The following CCSER1 variants were observed in gnomAD, a reference collection of about 807,000 sequenced individuals.
The protein encoded by CCSER1 is coiled-coil serine rich protein 1.
CCSER1 carries 41 observed loss-of-function variants against 82.0 expected under a neutral mutation model. The observed-to-expected ratio is 0.50, with a 90% CI of 0.39 to 0.65. The LOEUF (loss-of-function observed/expected upper bound fraction) is 0.65, where lower values mean the gene tolerates loss of function less well. Ranked by LOEUF, CCSER1 falls within the 30% of genes least tolerant of loss-of-function variation. The pLI, the probability that CCSER1 is intolerant of heterozygous loss-of-function variation, is 0.00. For missense variants in CCSER1, 1,119 were observed against 1,064.2 expected (o/e 1.05, Z -0.72); for synonymous variants, 414 against 383.9 (o/e 1.08, Z -0.92).
intron 4 of CCSER1, among the ~76,000 whole-genome samples, chr4:90,425,759 G>A (rs1757434378): frequency 6.6e-6 from 1 of 152,090 alleles, no homozygotes; most frequent in Admixed American, 6.6e-5. Flanking sequence ...ATCTGATTTT[G>A]TTGGCAGAGC....
At chr4:90,499,623 A>C (rs1030527403) in intron 5 of CCSER1, among the ~76,000 whole-genome samples, 11 of 152,142 alleles carry the variant, frequency 7.2e-5, no homozygotes, top group Admixed American at 5.2e-4. Flanking sequence ...TGTCTTCATA[A>C]CCAGTTATGA....
chr4:90,957,652 TTATA>T lies in CCSER1; in HGVS notation c.2172+34212_2172+34215del, dbSNP rs541511010. On this transcript the variant is annotated intron_variant, in intron 9 of 10. Transcript: ENST00000509176. The stretch of plus-strand genomic sequence containing the variant: ...ATTCTATATAATATATAATATATAA[TTATA>T]TATATAACTATATAATTTCATGGTA... Among the ~76,000 whole-genome samples, 22 of 133,516 alleles carry T rather than the reference TTATA, an allele frequency of 1.6e-4. 1 individual carries two copies. In the South Asian group the frequency reaches 2.0e-3, roughly 12 times the overall value. The allele number at this position is 133,516 out of a possible 152,430, so 87.6% of individuals were successfully genotyped here.
Position 91,151,336 on chromosome 4 carries a change from T to G in CCSER1, c.2217+65342T>G, listed in dbSNP as rs181490702. Among the ~76,000 whole-genome samples the G allele has an allele frequency of 1.4e-3, 214 of 152,290 alleles. 3 individuals carry two copies. Among genetic ancestry groups the G allele is most frequent in the Admixed American group, 0.011 (169 of 15,298 alleles). Reference sequence around the variant, plus strand: ...TGATATCCACTCTATCATTTTTTATTGCATCTATTTTGTTCTTCTCTTTTT... The same window carrying G: ...TGATATCCACTCTATCATTTTTTATGGCATCTATTTTGTTCTTCTCTTTTT... On this transcript the variant is annotated intron_variant, in intron 10 of 10. Transcript: ENST00000509176.
chr4:91,086,076 G>A (rs1193078783), intron 10 of CCSER1, 82 bp downstream of exon 10: 23 of 820,778 alleles, frequency 2.8e-5, no homozygotes, highest in Middle Eastern at 4.5e-4. Context: ...GGTGATTGAC[G>A]ATAATTACGT....
chr4:90,618,368 A>G (rs1721685826), intron 5 of CCSER1, among the ~76,000 whole-genome samples: 1 of 151,994 alleles, frequency 6.6e-6, no homozygotes, highest in Non-Finnish European at 1.5e-5. Context: ...TAGCTCTTAG[A>G]TTGCCACATC....
intron 9 of CCSER1, among the ~76,000 whole-genome samples, chr4:90,940,494 ATATT>A (rs146376538): frequency 0.056 from 8,559 of 152,176 alleles, 320 homozygotes; most frequent in Non-Finnish European, 0.078. Context: ...TGTTTTATAA[ATATT>A]TATTTGATTA....
intron 9 of CCSER1, among the ~76,000 whole-genome samples, chr4:90,958,238 G>A (rs979595219): frequency 2.0e-5 from 3 of 152,072 alleles, no homozygotes; most frequent in Non-Finnish European, 4.4e-5. Flanking sequence ...AATGTAACTA[G>A]GTCGTGAAAC....
Position 90,309,288 on chromosome 4 carries a change from A to C in CCSER1, c.1004A>C (p.Asn335Thr). The change falls in exon 2 of 11, where the codon AAT becomes ACT. Residue 335 changes from asparagine to threonine, a missense_variant. Coordinates refer to ENST00000509176, the MANE Select transcript of CCSER1 (RefSeq NM_001145065.2). Reference sequence around the variant, plus strand: ...GAGGGTCAATGTAGCACTGAATCTAATTCATTACCGGAAACCTCTGCTGCT... The same window carrying C: ...GAGGGTCAATGTAGCACTGAATCTACTTCATTACCGGAAACCTCTGCTGCT... ...RLEGQCSTES[N>T]SLPETSAANQ... is the part of the protein sequence containing the mutation. The C allele has an allele frequency of 6.2e-7, 1 of 1,613,810 alleles. No individual in the cohort carries two copies. Among genetic ancestry groups the C allele is most frequent in the Non-Finnish European group, 8.5e-7 (1 of 1,179,794 alleles).
rs188373121 is a variant in CCSER1, at chr4:90,134,732, A to G, written c.-42+6901A>G. Among the ~76,000 whole-genome samples the G allele has an allele frequency of 4.8e-4, 73 of 152,332 alleles. No individual in the cohort carries two copies. In the East Asian group the frequency reaches 0.013, roughly 28 times the overall value. ...AGCTTTCCTTCCATGAAAAGGAAATATGTTCACTGCTGCTATCAGATTTAA... is the reference window on the plus strand; with the variant it reads ...AGCTTTCCTTCCATGAAAAGGAAATGTGTTCACTGCTGCTATCAGATTTAA... On this transcript the variant is annotated intron_variant, in intron 1 of 10. Transcript: ENST00000509176.
rs990448935 is a variant in CCSER1, at chr4:90,302,909, C to T, written c.-41-5335C>T. Among the ~76,000 whole-genome samples the T allele has an allele frequency of 1.8e-4, 27 of 152,144 alleles. 2 individuals carry two copies. Among genetic ancestry groups the T allele is most frequent in the Admixed American group, 6.5e-5 (1 of 15,268 alleles). On this transcript the variant is annotated intron_variant, in intron 1 of 10. Transcript: ENST00000509176. ...AGTGAAAGCGGAGCATGAAGTGTGACGAGAGGACTAATGAATCTGGAGATG... is the reference window on the plus strand; with the variant it reads ...AGTGAAAGCGGAGCATGAAGTGTGATGAGAGGACTAATGAATCTGGAGATG...
intron 1 of CCSER1, among the ~76,000 whole-genome samples, chr4:90,130,411 A>G (rs971357431): frequency 3.9e-5 from 6 of 152,206 alleles, no homozygotes; most frequent in African/African-American, 1.4e-4. Context: ...GGTGGGTAAG[A>G]CTTGCTTGAT....
At chr4:90,270,748 A>G (rs1391157646) in intron 1 of CCSER1, among the ~76,000 whole-genome samples, 2 of 152,106 alleles carry the variant, frequency 1.3e-5, no homozygotes, top group East Asian at 3.9e-4. Context: ...AAAAACCTAA[A>G]GACTTCAAAA....
intron 5 of CCSER1, among the ~76,000 whole-genome samples, chr4:90,560,554 C>A (rs1186084040): frequency 6.6e-6 from 1 of 152,058 alleles, no homozygotes; most frequent in African/African-American, 2.4e-5. Context: ...ATTATAAAGA[C>A]AATGTGGTTG....
intron 1 of CCSER1, among the ~76,000 whole-genome samples, chr4:90,130,777 C>A (rs1188809914): frequency 6.6e-6 from 1 of 151,570 alleles, no homozygotes; most frequent in African/African-American, 2.4e-5. Flanking sequence ...GCGCATGCCA[C>A]CCCGCCCAGC....
At chr4:91,079,580 TAAATG>T (rs1722451142) in intron 9 of CCSER1, among the ~76,000 whole-genome samples, 1 of 152,182 alleles carries the variant, frequency 6.6e-6, no homozygotes, top group Non-Finnish European at 1.5e-5. Context: ...ATATGAATCT[TAAATG>T]TAAATGGGCT....
intron 10 of CCSER1, among the ~76,000 whole-genome samples, chr4:91,124,510 C>T (rs571433109): frequency 6.6e-6 from 1 of 151,852 alleles, no homozygotes; most frequent in African/African-American, 2.4e-5. Flanking sequence ...TCAAGCTTCC[C>T]CATCTCCCTC....
chr4:90,568,924 C>T (rs753437754), intron 5 of CCSER1, among the ~76,000 whole-genome samples: 16 of 151,910 alleles, frequency 1.1e-4, no homozygotes, highest in South Asian at 4.2e-4. Flanking sequence ...CCCACCACCA[C>T]GCTCGGCTAA....
intron 8 of CCSER1, among the ~76,000 whole-genome samples, chr4:90,838,375 TTGAA>T (rs1367938243): frequency 6.6e-6 from 1 of 151,716 alleles, no homozygotes. Context: ...AATATGTAAA[TTGAA>T]TGAACTGTTT....
Position 90,400,093 on chromosome 4 carries a change from C to T in CCSER1, c.1567C>T (p.Leu523Phe). The change falls in exon 4 of 11, where the codon CTT (leucine) becomes TTT (phenylalanine). Residue 523 changes from leucine (L) to phenylalanine (F), a missense_variant. Transcript: ENST00000509176. ...ELDEDDLMLD[L>F]EFLEEQSLHP... The stretch of plus-strand genomic sequence containing the variant: ...GGATGAAGATGATCTAATGCTTGAT[C>T]TTGAATTTTTAGAGGAACAGAGTCT... 6.2e-7 allele frequency: 1 copy of T among 1,606,834 alleles called. No homozygotes were observed. Among genetic ancestry groups the T allele is most frequent in the Non-Finnish European group, 8.5e-7 (1 of 1,174,384 alleles).
Sources: allele counts gnomAD v4.1 joint callset (sites outside exome capture counted in the v4.1 genomes callset), GRCh38; gene constraint gnomAD v4.1.1; transcripts MANE v1.5; gene names NCBI Gene and HGNC (gene_info 2026-07-23, HGNC 2026-07-21).